ZNF722: variants seen among roughly 807,000 people sequenced by gnomAD.
ZNF722 encodes zinc finger protein 479 pseudogene.
At chr7:64,004,425 A>AAAAAAAT in the ZNF722 span, among the ~76,000 whole-genome samples, 333 of 61,086 alleles carry the variant, frequency 5.5e-3, 5 homozygotes, top group Non-Finnish European at 6.6e-3. Context: ...AAAAAAAAAA[A>AAAAAAAT]ATATATATAT....
At chr7:64,003,354 G>C in the ZNF722 span, among the ~76,000 whole-genome samples, 1 of 152,262 alleles carries the variant, frequency 6.6e-6, no homozygotes, top group Admixed American at 6.5e-5. Flanking sequence ...GCAAGTCTCG[G>C]TCTTTCTGCC....
At chr7:64,016,397 C>G in the ZNF722 span, among the ~76,000 whole-genome samples, 1 of 151,750 alleles carries the variant, frequency 6.6e-6, no homozygotes, top group East Asian at 1.9e-4. Flanking sequence ...CTCAGCCTCC[C>G]AAAACCTAAG....
the ZNF722 span, among the ~76,000 whole-genome samples, chr7:64,014,524 G>A: frequency 2.0e-5 from 3 of 152,126 alleles, no homozygotes; most frequent in African/African-American, 7.2e-5. Context: ...GATTCTGGGA[G>A]TCTTGCAAAC....
At chr7:64,009,229 C>G in the ZNF722 span, among the ~76,000 whole-genome samples, 3 of 152,016 alleles carry the variant, frequency 2.0e-5, no homozygotes, top group Non-Finnish European at 2.9e-5. Flanking sequence ...AATTGAATAC[C>G]CTTTATTTAT....
At chr7:63,999,950 C>T in the ZNF722 span, among the ~76,000 whole-genome samples, 2 of 152,182 alleles carry the variant, frequency 1.3e-5, no homozygotes, top group South Asian at 4.1e-4. Flanking sequence ...CCCATCTTGG[C>T]CTCCCAAAGC....
At chr7:64,015,368 T>A in the ZNF722 span, 1 of 1,497,394 alleles carries the variant, frequency 6.7e-7, no homozygotes, top group East Asian at 2.3e-5. Flanking sequence ...CACACCTAAA[T>A]CAACATCAGA....
the ZNF722 span, chr7:64,005,504 C>A: frequency 1.6e-6 from 1 of 611,430 alleles, no homozygotes; most frequent in Non-Finnish European, 2.9e-6. Flanking sequence ...GTGAGAACCA[C>A]TTCATTTTAC....
chr7:64,006,366 A>T, the ZNF722 span: 1 of 1,157,924 alleles, frequency 8.6e-7, no homozygotes. Flanking sequence ...GAGATACACA[A>T]ATCAACAAGG....
At chr7:64,016,790 A>T in the ZNF722 span, among the ~76,000 whole-genome samples, 1 of 152,190 alleles carries the variant, frequency 6.6e-6, no homozygotes, top group African/African-American at 2.4e-5. Context: ...AATGTGACAG[A>T]GCATTTAACC....
the ZNF722 span, among the ~76,000 whole-genome samples, chr7:64,004,126 C>A: frequency 1.1e-4 from 17 of 151,740 alleles, no homozygotes; most frequent in African/African-American, 4.1e-4. Flanking sequence ...TTAGGCCGGG[C>A]GCAGTGTCTC....
the ZNF722 span, among the ~76,000 whole-genome samples, chr7:63,999,603 A>C: frequency 1.3e-5 from 2 of 152,178 alleles, no homozygotes; most frequent in Admixed American, 6.6e-5. Flanking sequence ...ATCCAGGTGA[A>C]AATGCCTTGG....
the ZNF722 span, chr7:64,015,959 A>G: frequency 8.4e-7 from 1 of 1,184,082 alleles, no homozygotes; most frequent in African/African-American, 1.5e-5. Flanking sequence ...TAATACATAC[A>G]ATAATTTATG....
chr7:64,012,024 T>C, the ZNF722 span, among the ~76,000 whole-genome samples: 177 of 152,312 alleles, frequency 1.2e-3, 3 homozygotes, highest in South Asian at 0.036. Context: ...ATTAATTTGA[T>C]CTTCAATCAC....
the ZNF722 span, among the ~76,000 whole-genome samples, chr7:64,011,581 C>A: frequency 6.6e-6 from 1 of 152,174 alleles, no homozygotes; most frequent in East Asian, 1.9e-4. Context: ...GTGGCCCCCA[C>A]TCTCTTCTGG....
At chr7:64,006,246 C>T in the ZNF722 span, 1 of 1,288,646 alleles carries the variant, frequency 7.8e-7, no homozygotes, top group Non-Finnish European at 1.1e-6. Flanking sequence ...CTAAGCCAGA[C>T]TTGATTACCT....
At chr7:64,006,453 T>A in the ZNF722 span, 1 of 609,074 alleles carries the variant, frequency 1.6e-6, no homozygotes, top group African/African-American at 2.0e-5. Flanking sequence ...GTCATTTTTT[T>A]CTTTTGCTCT....
the ZNF722 span, among the ~76,000 whole-genome samples, chr7:64,013,017 A>G: frequency 6.6e-6 from 1 of 152,140 alleles, no homozygotes; most frequent in African/African-American, 2.4e-5. Context: ...GCTTCCTCAT[A>G]TCCTCACCAG....
the ZNF722 span, among the ~76,000 whole-genome samples, chr7:64,008,776 C>T: frequency 3.4e-3 from 513 of 151,872 alleles, 1 homozygote; most frequent in African/African-American, 0.012. Flanking sequence ...TCCAGTTCTG[C>T]GAAGAAAGTC....
At chr7:64,015,837 T>C in the ZNF722 span, 1 of 1,604,540 alleles carries the variant, frequency 6.2e-7, no homozygotes, top group East Asian at 2.2e-5. Context: ...ATGTGAAGAA[T>C]GTGACAAAGC....
Sources: allele counts gnomAD v4.1 joint callset (sites outside exome capture counted in the v4.1 genomes callset), GRCh38; gene constraint gnomAD v4.1.1; transcripts MANE v1.5; gene names NCBI Gene and HGNC (gene_info 2026-07-23, HGNC 2026-07-21).